PCSK5: variants seen among roughly 807,000 people sequenced by gnomAD.
PCSK5 encodes proprotein convertase subtilisin/kexin type 5, also known as prohormone convertase 5.
PCSK5 carries 129 observed loss-of-function variants against 233.2 expected under a neutral mutation model. The observed-to-expected ratio is 0.55, with a 90% CI of 0.48 to 0.64. PCSK5 has a LOEUF of 0.64. Among genes scored for constraint, PCSK5 ranks in the 30% least tolerant of loss-of-function variants. The pLI, the probability that PCSK5 is intolerant of heterozygous loss-of-function variation, is 0.00. For synonymous variants in PCSK5, 825 were observed against 879.2 expected, an observed-to-expected ratio of 0.94 and a Z score of 1.09; for missense variants, 2,076 against 2,430.1, an observed-to-expected ratio of 0.85 and a Z score of 3.06.
intron 35 of PCSK5, 73 bp downstream of exon 35, chr9:76,338,520 C>G (rs1564189697): frequency 9.3e-7 from 1 of 1,074,042 alleles, no homozygotes; most frequent in African/African-American, 1.6e-5. Flanking sequence ...TTGCCCCTTT[C>G]TCTCTTCTCA....
intron 35 of PCSK5, among the ~76,000 whole-genome samples, chr9:76,339,790 G>A (rs10869753): frequency 0.23 from 35,225 of 151,874 alleles, 4,757 homozygotes; most frequent in East Asian, 0.54. Context: ...TGATCCGCCC[G>A]CCTCAACCTC....
At chr9:76,333,846 C>T (rs1829602462) in intron 34 of PCSK5, among the ~76,000 whole-genome samples, 1 of 152,156 alleles carries the variant, frequency 6.6e-6, no homozygotes, top group South Asian at 2.1e-4. Flanking sequence ...TGATTTATCT[C>T]ATTCATTCAC....
At chr9:76,351,495 A>G (rs897383924) in intron 36 of PCSK5, among the ~76,000 whole-genome samples, 17 of 58,414 alleles carry the variant, frequency 2.9e-4, no homozygotes, top group South Asian at 8.1e-4. Context: ...AAAGAAAGAA[A>G]GAAAGAAAGA....
chr9:75,927,537 C>T (rs1823549605), intron 1 of PCSK5, among the ~76,000 whole-genome samples: 1 of 152,092 alleles, frequency 6.6e-6, no homozygotes, highest in African/African-American at 2.4e-5. Context: ...GTTGGCTGGT[C>T]ACCTTGCATA....
At chr9:76,231,815 A>G (rs1486705578) in intron 21 of PCSK5, among the ~76,000 whole-genome samples, 1 of 152,134 alleles carries the variant, frequency 6.6e-6, no homozygotes, top group Admixed American at 6.6e-5. Context: ...GGACAGCCAG[A>G]TGTGTGTGAG....
chr9:76,324,234 G>T (rs1829295119), intron 32 of PCSK5, among the ~76,000 whole-genome samples: 1 of 151,374 alleles, frequency 6.6e-6, no homozygotes, highest in Admixed American at 6.6e-5. Context: ...TCCATATTTT[G>T]TTATTGTTGT....
chr9:75,967,535 C>T (rs1400592175), intron 2 of PCSK5, among the ~76,000 whole-genome samples: 1 of 152,182 alleles, frequency 6.6e-6, no homozygotes, highest in African/African-American at 2.4e-5. Context: ...GAACAGCTTT[C>T]ACAAACAGTC....
intron 2 of PCSK5, among the ~76,000 whole-genome samples, chr9:75,971,041 C>T (rs1825796404): frequency 6.6e-6 from 1 of 152,066 alleles, no homozygotes; most frequent in Admixed American, 6.5e-5. Context: ...GGTATTAAGC[C>T]CCACATGCAT....
At chr9:76,234,896 G>A (rs890404740) in intron 22 of PCSK5, among the ~76,000 whole-genome samples, 2 of 151,998 alleles carry the variant, frequency 1.3e-5, no homozygotes, top group African/African-American at 4.8e-5. Context: ...CTCTTCTCTG[G>A]CTGATGTCTT....
intron 3 of PCSK5, among the ~76,000 whole-genome samples, chr9:75,998,119 G>T (rs1304650966): frequency 6.6e-6 from 1 of 152,132 alleles, no homozygotes; most frequent in Non-Finnish European, 1.5e-5. Context: ...CTTGGTCTTT[G>T]GATGTGTTAC....
Position 76,157,159 on chromosome 9 carries a change from T to C in PCSK5, c.1427T>C (p.Ile476Thr). The stretch of plus-strand genomic sequence containing the variant: ...TGTGTGGAGAGCACAGACCGACAAA[T>C]CAAGTAATGCTTGCTGCCGGCAAAC... ...HVCVESTDRQ[I>T]KTIRPNSAVR... The change falls in exon 11 of 38, where the codon ATC becomes ACC. Residue 476 changes from isoleucine to threonine, a missense_variant. Ile to Thr is a moderately conservative substitution (Grantham distance 89). Coordinates refer to ENST00000674117, the MANE Select transcript of PCSK5 (RefSeq NM_001372043.1). The C allele has an allele frequency of 1.2e-6, 2 of 1,606,004 alleles. No homozygotes were observed. Among genetic ancestry groups the C allele is most frequent in the Non-Finnish European group, 1.7e-6 (2 of 1,173,538 alleles).
intron 7 of PCSK5, among the ~76,000 whole-genome samples, chr9:76,090,549 A>G (rs1831243044): frequency 1.3e-5 from 2 of 152,200 alleles, no homozygotes. Flanking sequence ...GTCTCTATGC[A>G]TTCTGTGGCA....
At chr9:75,912,817 G>A (rs1461354654) in intron 1 of PCSK5, among the ~76,000 whole-genome samples, 3 of 152,096 alleles carry the variant, frequency 2.0e-5, no homozygotes, top group Non-Finnish European at 2.9e-5. Context: ...TCTGAATATC[G>A]TTTCCTCTAC....
At chr9:76,266,285 T>A (rs1827329766) in intron 24 of PCSK5, among the ~76,000 whole-genome samples, 3 of 152,214 alleles carry the variant, frequency 2.0e-5, no homozygotes, top group Non-Finnish European at 4.4e-5. Context: ...GGCAAAGCTG[T>A]CAGCTAAACA....
chr9:76,245,318 CATA>C (rs2131336486), intron 24 of PCSK5, among the ~76,000 whole-genome samples: 1 of 152,108 alleles, frequency 6.6e-6, no homozygotes, highest in African/African-American at 2.4e-5. Context: ...TGGGATAAAA[CATA>C]TCCAAATTTA....
chr9:75,981,750 T>C (rs963418761), intron 2 of PCSK5, among the ~76,000 whole-genome samples: 2 of 152,048 alleles, frequency 1.3e-5, no homozygotes, highest in African/African-American at 4.8e-5. Flanking sequence ...TTTGTAAAGA[T>C]GGAAGTCTTG....
intron 10 of PCSK5, among the ~76,000 whole-genome samples, chr9:76,138,166 C>T (rs1290637245): frequency 6.6e-6 from 1 of 152,070 alleles, no homozygotes; most frequent in African/African-American, 2.4e-5. Context: ...GACACCATGG[C>T]GTTGACTAAT....
At chr9:75,987,517 T>C (rs1048031123) in intron 3 of PCSK5, among the ~76,000 whole-genome samples, 2 of 152,174 alleles carry the variant, frequency 1.3e-5, no homozygotes, top group African/African-American at 4.8e-5. Context: ...AATTTGTGCT[T>C]ATTTTGAGAT....
At chr9:76,080,660 T>C (rs1041862509) in intron 7 of PCSK5, among the ~76,000 whole-genome samples, 1 of 152,190 alleles carries the variant, frequency 6.6e-6, no homozygotes, top group Non-Finnish European at 1.5e-5. Flanking sequence ...TCCAGTACTT[T>C]TGTGTCATGT....
Sources: allele counts gnomAD v4.1 joint callset (sites outside exome capture counted in the v4.1 genomes callset), GRCh38; gene constraint gnomAD v4.1.1; transcripts MANE v1.5; gene names NCBI Gene and HGNC (gene_info 2026-07-23, HGNC 2026-07-21).